DACH1: variants seen among roughly 807,000 people sequenced by gnomAD.
DACH1 encodes the protein dachshund homolog 1.
A neutral mutation model predicts 54.2 loss-of-function variants in DACH1; 12 were observed. That is an observed-to-expected ratio of 0.22 (90% confidence interval 0.14 to 0.36). The LOEUF (loss-of-function observed/expected upper bound fraction) is 0.36. Ranked by LOEUF, DACH1 falls within the 10% of genes least tolerant of loss-of-function variation. DACH1 has a pLI of 1.00. For missense variants in DACH1, 805 were observed against 929.8 expected, an observed-to-expected ratio of 0.87 and a Z score of 1.75; for synonymous variants, 386 against 366.2, an observed-to-expected ratio of 1.05 and a Z score of -0.62.
intron 1 of DACH1, among the ~76,000 whole-genome samples, chr13:71,694,040 A>G (rs901438659): frequency 6.6e-6 from 1 of 152,216 alleles, no homozygotes; most frequent in Non-Finnish European, 1.5e-5. Context: ...AACCTATTAA[A>G]TCAGAACTCA....
Position 71,440,772 on chromosome 13 carries a change from T to G in DACH1, c.2084-80A>C, listed in dbSNP as rs1275436516. ...TGCATGTAAAAATGATGTAACTTGA[T>G]ATAAAATTTGTAGTTTTTATTAGAT... On this transcript the variant is annotated intron_variant, in intron 10 of 10. Coordinates refer to ENST00000613252, the MANE Select transcript of DACH1 (RefSeq NM_080759.6). 4 of 1,157,076 alleles carry G rather than the reference T, an allele frequency of 3.5e-6. No homozygotes were observed. In the East Asian group the frequency reaches 7.5e-5, roughly 22 times the overall value. 71.7% of individuals were successfully genotyped at this position (1,157,076 alleles called of 1,614,324 possible).
chr13:71,444,648 A>G (rs1874287560), intron 10 of DACH1, among the ~76,000 whole-genome samples: 1 of 152,236 alleles, frequency 6.6e-6, no homozygotes, highest in South Asian at 2.1e-4. Flanking sequence ...TCTGCAGTAT[A>G]TTAAGTAGAA....
chr13:71,711,425 G>A (rs957081423), intron 1 of DACH1, among the ~76,000 whole-genome samples: 3 of 152,108 alleles, frequency 2.0e-5, no homozygotes, highest in African/African-American at 7.2e-5. Context: ...TCTGCAGGCA[G>A]GTGAAGGACT....
At chr13:71,454,571 G>A (rs921890318) in intron 10 of DACH1, among the ~76,000 whole-genome samples, 6 of 152,226 alleles carry the variant, frequency 3.9e-5, no homozygotes, top group African/African-American at 1.4e-4. Flanking sequence ...GAAGCAGGCT[G>A]CCATGTATTG....
intron 3 of DACH1, among the ~76,000 whole-genome samples, chr13:71,600,398 ATCCT>A (rs1874407108): frequency 6.6e-6 from 1 of 152,102 alleles, no homozygotes; most frequent in Non-Finnish European, 1.5e-5. Context: ...ATATGCCCAA[ATCCT>A]GAGATATAGG....
intron 1 of DACH1, among the ~76,000 whole-genome samples, chr13:71,817,826 T>TA (rs1434990500): frequency 6.8e-6 from 1 of 147,306 alleles, no homozygotes; most frequent in South Asian, 2.2e-4. Context: ...TTTTTTTTTT[T>TA]TTTTTTGAGA....
chr13:71,600,558 G>A (rs1001210169), intron 3 of DACH1, among the ~76,000 whole-genome samples: 3 of 151,556 alleles, frequency 2.0e-5, no homozygotes, highest in Admixed American at 2.0e-4. Flanking sequence ...TATAAAAGAA[G>A]GATCCAGGAA....
chr13:71,859,093 T>G (rs2138285301), intron 1 of DACH1, among the ~76,000 whole-genome samples: 1 of 151,916 alleles, frequency 6.6e-6, no homozygotes, highest in South Asian at 2.1e-4. Context: ...ATTTCCAGTT[T>G]AATGAGTTGT....
intron 6 of DACH1, among the ~76,000 whole-genome samples, chr13:71,529,720 A>G (rs773498215): frequency 6.6e-6 from 1 of 152,214 alleles, no homozygotes; most frequent in Non-Finnish European, 1.5e-5. Context: ...TGCAAACTCA[A>G]CAACTCACCA....
chr13:71,691,688 C>A (rs1455664233), intron 1 of DACH1, among the ~76,000 whole-genome samples: 1 of 152,204 alleles, frequency 6.6e-6, no homozygotes, highest in African/African-American at 2.4e-5. Flanking sequence ...ACCACTGTAG[C>A]AGATTTGCAT....
chr13:71,536,855 C>T (rs1211099824), intron 6 of DACH1, among the ~76,000 whole-genome samples: 1 of 152,096 alleles, frequency 6.6e-6, no homozygotes, highest in African/African-American at 2.4e-5. Context: ...CCATTTCTCT[C>T]CACTTTAATT....
rs192991929 is a variant in DACH1 at position 71,553,713 on chromosome 13, C to T, written c.1570+3311G>A. Among the ~76,000 whole-genome samples, 182 of 147,512 alleles carry T rather than the reference C, an allele frequency of 1.2e-3. 2 individuals are homozygous for T. The East Asian group carries it at 0.029, about 23-fold the overall frequency. On this transcript the variant is annotated intron_variant, in intron 6 of 10. Transcript: ENST00000613252. ...ATTATACTCTCCCTAAGCTCAAAAC[C>T]TTATGTGAGCATACTTTATTTTTAA...
At chr13:71,708,588 T>C (rs1406754082) in intron 1 of DACH1, among the ~76,000 whole-genome samples, 1 of 152,044 alleles carries the variant, frequency 6.6e-6, no homozygotes, top group Non-Finnish European at 1.5e-5. Context: ...TTTATGAAAC[T>C]GAAGAATATA....
intron 8 of DACH1, among the ~76,000 whole-genome samples, chr13:71,477,770 C>T (rs1254454609): frequency 6.6e-6 from 1 of 152,160 alleles, no homozygotes; most frequent in Non-Finnish European, 1.5e-5. Flanking sequence ...CAGTTTCCTC[C>T]TACATGATTG....
intron 4 of DACH1, among the ~76,000 whole-genome samples, chr13:71,570,621 A>C (rs1885137913): frequency 6.6e-6 from 1 of 152,214 alleles, no homozygotes. Context: ...AAGAAGTGAG[A>C]TATCTCTATG....
At chr13:71,450,650 A>G (rs1874953270) in intron 10 of DACH1, among the ~76,000 whole-genome samples, 1 of 152,202 alleles carries the variant, frequency 6.6e-6, no homozygotes, top group African/African-American at 2.4e-5. Context: ...TAGACAGAAC[A>G]AAAGCTAGGC....
intron 10 of DACH1, among the ~76,000 whole-genome samples, chr13:71,463,329 G>A (rs1876268565): frequency 6.6e-6 from 1 of 151,852 alleles, no homozygotes; most frequent in South Asian, 2.1e-4. Context: ...GCAAGCTAAT[G>A]AAAATGCCTT....
At chr13:71,862,917 A>G (rs1363180141) in intron 1 of DACH1, among the ~76,000 whole-genome samples, 1 of 152,096 alleles carries the variant, frequency 6.6e-6, no homozygotes, top group East Asian at 1.9e-4. Flanking sequence ...TAAATTATAT[A>G]CACACATATA....
intron 4 of DACH1, among the ~76,000 whole-genome samples, chr13:71,563,406 T>G (rs971281061): frequency 6.6e-6 from 1 of 151,986 alleles, no homozygotes; most frequent in Non-Finnish European, 1.5e-5. Context: ...ATGGAAAGCA[T>G]GAGAATATAA....
Sources: allele counts gnomAD v4.1 joint callset (sites outside exome capture counted in the v4.1 genomes callset), GRCh38; gene constraint gnomAD v4.1.1; transcripts MANE v1.5; gene names NCBI Gene and HGNC (gene_info 2026-07-23, HGNC 2026-07-21).